Variants in NTRK3 observed in about 807,000 individuals in gnomAD.
NTRK3 encodes the protein NT-3 growth factor receptor.
In NTRK3, 24 loss-of-function variants were observed where a neutral mutation model predicts 91.7. The ratio of observed to expected loss-of-function variants is 0.26; its 90% confidence interval spans 0.19 to 0.37. The LOEUF (loss-of-function observed/expected upper bound fraction) is 0.37, where lower values mean the gene tolerates loss of function less well. Among genes scored for constraint, NTRK3 ranks in the 10% least tolerant of loss-of-function variants. The probability of loss-of-function intolerance (pLI) is 1.00; values close to 1 mark genes in which losing one functional copy is unlikely to be tolerated. For synonymous variants in NTRK3, 483 were observed against 404.0 expected, an observed-to-expected ratio of 1.20 and a Z score of -2.34; for missense variants, 880 against 1,068.9, an observed-to-expected ratio of 0.82 and a Z score of 2.46.
At chr15:88,190,670 T>A (rs962515422) in intron 3 of NTRK3, among the ~76,000 whole-genome samples, 1 of 152,136 alleles carries the variant, frequency 6.6e-6, no homozygotes, top group African/African-American at 2.4e-5. Context: ...TGGAGCCCAA[T>A]AGGTAAGAGC....
intron 13 of NTRK3, 131 bp from the exon 14 acceptor site, chr15:88,033,176 TTATATATATATATA>T (rs149279639): frequency 0.011 from 2,136 of 195,950 alleles, 171 homozygotes; most frequent in East Asian, 0.035. Flanking sequence ...GGGGGGTGTG[TTATATATATATATA>T]TATATATATA....
intron 14 of NTRK3, among the ~76,000 whole-genome samples, chr15:88,028,787 T>C (rs956872094): frequency 6.6e-6 from 1 of 152,012 alleles, no homozygotes; most frequent in Non-Finnish European, 1.5e-5. Context: ...ACCAAGAGTA[T>C]GGGTGTGGGG....
At chr15:87,979,400 C>A in intron 14 of NTRK3, 1 of 1,613,914 alleles carries the variant, frequency 6.2e-7, no homozygotes, top group African/African-American at 1.3e-5. Context: ...AACATAGATG[C>A]CATGGTTAAG....
intron 16 of NTRK3, chr15:87,931,052 G>A: frequency 2.8e-6 from 1 of 354,686 alleles, no homozygotes; most frequent in South Asian, 2.2e-5. Context: ...TGTTTCTTCT[G>A]TACTCCTTTT....
chr15:88,028,322 G>C (rs2078220403), intron 14 of NTRK3, among the ~76,000 whole-genome samples: 1 of 152,130 alleles, frequency 6.6e-6, no homozygotes, highest in Admixed American at 6.5e-5. Flanking sequence ...AAGAAAGGCT[G>C]ACACAAACCC....
At chr15:88,134,614 T>C (rs2041696642) in intron 10 of NTRK3, among the ~76,000 whole-genome samples, 1 of 152,190 alleles carries the variant, frequency 6.6e-6, no homozygotes, top group Admixed American at 6.5e-5. Flanking sequence ...CTGGACACAC[T>C]CTCAAGTCCT....
intron 14 of NTRK3, among the ~76,000 whole-genome samples, chr15:87,992,584 A>G (rs2075374345): frequency 6.6e-6 from 1 of 152,236 alleles, no homozygotes; most frequent in South Asian, 2.1e-4. Flanking sequence ...AACAACCAAT[A>G]TCTATAAGCA....
intron 17 of NTRK3, among the ~76,000 whole-genome samples, chr15:87,917,225 C>A (rs187047291): frequency 2.7e-4 from 41 of 152,332 alleles, no homozygotes; most frequent in Non-Finnish European, 2.8e-4. Context: ...GAGAACTTCC[C>A]ACTTCTAAAG....
intron 17 of NTRK3, among the ~76,000 whole-genome samples, chr15:87,900,814 C>T (rs2066408384): frequency 6.6e-6 from 1 of 151,982 alleles, no homozygotes; most frequent in Admixed American, 6.6e-5. Context: ...TCCTGGCTCA[C>T]CCCTGGCCTT....
At chr15:87,979,223 G>A in intron 14 of NTRK3, 2 of 802,770 alleles carry the variant, frequency 2.5e-6, no homozygotes, top group Non-Finnish European at 4.5e-6. Context: ...GGGCACTGGT[G>A]GCTCATGCAG....
Position 88,255,992 on chromosome 15 carries a change from G to C in NTRK3, c.162C>G (p.Phe54Leu). 6.2e-7 allele frequency: 1 copy of C among 1,613,702 alleles called. No individual in the cohort carries two copies. Residue 54 changes from phenylalanine to leucine, a missense_variant, in exon 3 of 19, where the codon TTC (phenylalanine) becomes TTG (leucine). Transcript: ENST00000394480. The surrounding 1 kb of genome is among the most constrained non-coding windows in gnomAD (Gnocchi z 4.3). ...CTGAATCCTGCCCTTCCAGGAGGGGGAAGAGGTTCCCATCGTCCGGCCGCC... is the reference window on the plus strand; with the variant it reads ...CTGAATCCTGCCCTTCCAGGAGGGGCAAGAGGTTCCCATCGTCCGGCCGCC...
At chr15:88,221,911 A>G (rs2050268790) in intron 3 of NTRK3, among the ~76,000 whole-genome samples, 1 of 152,248 alleles carries the variant, frequency 6.6e-6, no homozygotes, top group Non-Finnish European at 1.5e-5. Flanking sequence ...AGATTAATTT[A>G]TCAATACAGC....
rs545928039 is a variant in NTRK3 at position 88,174,961 on chromosome 15, C to T, written c.395+8457G>A. 2.6e-5 allele frequency among the ~76,000 whole-genome samples: 4 copies of T among 152,356 alleles called. No homozygotes were observed. In the South Asian group the frequency reaches 8.3e-4, roughly 32 times the overall value. On this transcript the variant is annotated intron_variant, in intron 5 of 18. Coordinates refer to ENST00000394480, the Ensembl canonical transcript of NTRK3. Reference sequence around the variant, plus strand: ...ACCACTCACCATTTACTTCCTTATACTTAAATTAGAGGAGGTTCAAAACTT... The same window carrying T: ...ACCACTCACCATTTACTTCCTTATATTTAAATTAGAGGAGGTTCAAAACTT...
chr15:88,220,347 A>G (rs1230692735), intron 3 of NTRK3, among the ~76,000 whole-genome samples: 1 of 152,114 alleles, frequency 6.6e-6, no homozygotes, highest in Non-Finnish European at 1.5e-5. Context: ...ACTCAGAAGA[A>G]TGACCGAAAC....
intron 16 of NTRK3, 32 bp from the exon 17 acceptor site, chr15:87,929,466 G>C: frequency 6.2e-7 from 1 of 1,611,458 alleles, no homozygotes; most frequent in South Asian, 1.1e-5. Context: ...AGAGGGGGCA[G>C]AGAGAAATCA....
At chr15:87,977,620 T>G (rs990315295) in intron 14 of NTRK3, 1 of 231,664 alleles carries the variant, frequency 4.3e-6, no homozygotes, top group Non-Finnish European at 8.5e-6. Context: ...CAGGGCACAA[T>G]GGGGAACAGC....
intron 13 of NTRK3, among the ~76,000 whole-genome samples, chr15:88,108,495 A>T (rs2050958403): frequency 6.6e-6 from 1 of 151,848 alleles, no homozygotes; most frequent in Non-Finnish European, 1.5e-5. Flanking sequence ...CATCCTCCTC[A>T]CTCCATGCTC....
At chr15:87,904,998 G>GA (rs2066677953) in intron 17 of NTRK3, among the ~76,000 whole-genome samples, 1 of 152,180 alleles carries the variant, frequency 6.6e-6, no homozygotes, top group Non-Finnish European at 1.5e-5. Flanking sequence ...AATGACGGGG[G>GA]AAACTAGACA....
At position 87,920,359 on chromosome 15, in the gene NTRK3, T is replaced by A. The variant is rs117918606; in HGVS notation, c.2133+8832A>T. Among the ~76,000 whole-genome samples the A allele has an allele frequency of 5.5e-4, 84 of 152,302 alleles. 2 individuals carry two copies. In the East Asian group the frequency reaches 0.014, roughly 25 times the overall value. On this transcript the variant is annotated intron_variant, in intron 17 of 18. Transcript: ENST00000394480. ...TCAAAATTCACCTGAGATGTGCATA[T>A]CACGACACCCAGTCCTACAGCAGAT...
Sources: allele counts gnomAD v4.1 joint callset (sites outside exome capture counted in the v4.1 genomes callset), GRCh38; gene constraint gnomAD v4.1.1; non-coding constraint Gnocchi (gnomAD v3.1); transcripts MANE v1.5; gene names NCBI Gene and HGNC (gene_info 2026-07-23, HGNC 2026-07-21).